The following MARK1 variants were observed in gnomAD, a reference collection of about 807,000 sequenced individuals.
MARK1 encodes microtubule affinity regulating kinase 1, also known as serine/threonine-protein kinase MARK1.
In MARK1, 40 loss-of-function variants were observed where a neutral mutation model predicts 96.3. The observed-to-expected ratio is 0.42, with a 90% CI of 0.32 to 0.54. MARK1 has a LOEUF of 0.54. Among genes scored for constraint, MARK1 ranks in the 20% least tolerant of loss-of-function variants. The pLI, the probability that MARK1 is intolerant of heterozygous loss-of-function variation, is 0.16. For synonymous variants in MARK1, 317 were observed against 341.2 expected (o/e 0.93, Z 0.78); for missense variants, 719 against 984.6 (o/e 0.73, Z 3.61).
intron 3 of MARK1, among the ~76,000 whole-genome samples, chr1:220,593,025 A>C (rs1341346466): frequency 6.6e-6 from 1 of 152,262 alleles, no homozygotes. Context: ...TAGATATTCT[A>C]TATGAGTGTA....
At chr1:220,603,922 ATG>A (rs2102921169) in intron 5 of MARK1, 143 bp from the exon 6 acceptor site, 1 of 479,122 alleles carries the variant, frequency 2.1e-6, no homozygotes, top group Non-Finnish European at 3.7e-6. Flanking sequence ...TTTTCTATTC[ATG>A]TGTTAGTTTG....
chr1:220,546,281 A>G (rs2102728025), intron 1 of MARK1, among the ~76,000 whole-genome samples: 1 of 152,356 alleles, frequency 6.6e-6, no homozygotes, highest in East Asian at 1.9e-4. Flanking sequence ...ACACCAGTTA[A>G]GAAAAGATTC....
chr1:220,592,220 ATATTATAT>A (rs1210701349), intron 3 of MARK1, among the ~76,000 whole-genome samples: 31 of 18,518 alleles, frequency 1.7e-3, no homozygotes, highest in African/African-American at 7.2e-3. Flanking sequence ...TGATTATATC[ATATTATAT>A]TATATTATAT....
intron 1 of MARK1, among the ~76,000 whole-genome samples, chr1:220,557,165 G>A (rs1035242248): frequency 6.6e-6 from 1 of 152,126 alleles, no homozygotes; most frequent in Non-Finnish European, 1.5e-5. Context: ...AGTAACAAAA[G>A]TTAGAGTTCT....
Position 220,618,288 on chromosome 1 carries a change from C to G in MARK1, c.553-22C>G. 8.5e-6 allele frequency: 12 copies of G among 1,413,372 alleles called. No individual in the cohort carries two copies. The highest frequency in any genetic ancestry group is 1.2e-5 in the Non-Finnish European group (12 of 1,001,026). The allele number at this position is 1,413,372 out of a possible 1,614,324, so 87.6% of individuals were successfully genotyped here. On this transcript the variant is annotated intron_variant, in intron 7 of 17. Coordinates refer to ENST00000366917, the MANE Select transcript of MARK1 (RefSeq NM_018650.5). This position sits in a 1 kb window ranked among gnomAD's most constrained non-coding sequence, Gnocchi z 4.6. ...TTTTATGTAGGCTTTTTACATTGTTCTTTCTATTATTTTCCTCTTAGGCTG... is the reference window on the plus strand; with the variant it reads ...TTTTATGTAGGCTTTTTACATTGTTGTTTCTATTATTTTCCTCTTAGGCTG...
chr1:220,584,332 G>T (rs1019405276), intron 3 of MARK1, among the ~76,000 whole-genome samples: 1 of 152,154 alleles, frequency 6.6e-6, no homozygotes, highest in Non-Finnish European at 1.5e-5. Flanking sequence ...ACAAGACTTA[G>T]TACAACTCAG....
Position 220,635,830 on chromosome 1 carries a change from T to C in MARK1, c.1277-3T>C. ...CATTATGCTATTTTTAAAAAAATTA[T>C]AGCTGGTCCATCCATTCCTCCTGCT... On this transcript the variant is annotated splice_region_variant and splice_polypyrimidine_tract_variant and intron_variant, in intron 12 of 17. Coordinates refer to ENST00000366917, the MANE Select transcript of MARK1 (RefSeq NM_018650.5). The C allele has an allele frequency of 6.4e-7, 1 of 1,562,508 alleles. No homozygotes were observed.
intron 9 of MARK1, among the ~76,000 whole-genome samples, chr1:220,629,513 T>A (rs1010839247): frequency 6.6e-6 from 1 of 152,164 alleles, no homozygotes; most frequent in Non-Finnish European, 1.5e-5. Flanking sequence ...AACTCTGTAC[T>A]CATTGAACAA....
At chr1:220,625,160 C>CT (rs1225773188) in intron 9 of MARK1, among the ~76,000 whole-genome samples, 1 of 152,218 alleles carries the variant, frequency 6.6e-6, no homozygotes, top group Non-Finnish European at 1.5e-5. Context: ...AAGGCACAGC[C>CT]TTTGTCCTCA....
intron 1 of MARK1, among the ~76,000 whole-genome samples, chr1:220,557,628 A>G (rs530665392): frequency 2.0e-5 from 3 of 152,300 alleles, no homozygotes; most frequent in African/African-American, 7.2e-5. Flanking sequence ...ATGTACTCTT[A>G]TGTTTGAATT....
At chr1:220,579,116 A>G (rs528056896) in intron 1 of MARK1, among the ~76,000 whole-genome samples, 17 of 152,264 alleles carry the variant, frequency 1.1e-4, no homozygotes, top group African/African-American at 4.1e-4. Flanking sequence ...TGCTGGGATT[A>G]CAGGCATGAG....
At chr1:220,545,450 T>G (rs1428092593) in intron 1 of MARK1, among the ~76,000 whole-genome samples, 2 of 147,236 alleles carry the variant, frequency 1.4e-5, no homozygotes, top group African/African-American at 5.0e-5. Context: ...TTTTTTTTTT[T>G]TTTTTTTTTT....
chr1:220,533,002 C>T (rs61830193), intron 1 of MARK1, among the ~76,000 whole-genome samples: 1 of 28,378 alleles, frequency 3.5e-5, no homozygotes. Context: ...AGAGTGTGAA[C>T]CCTTTTTTTT....
At chr1:220,622,107 G>A (rs970898239) in intron 9 of MARK1, among the ~76,000 whole-genome samples, 1 of 152,100 alleles carries the variant, frequency 6.6e-6, no homozygotes, top group African/African-American at 2.4e-5. Flanking sequence ...CATAATGAGG[G>A]CATTATGATT....
chr1:220,618,856 A>G lies in MARK1; in HGVS notation c.909+101A>G, dbSNP rs1470722389. 2 of 1,034,098 alleles carry G rather than the reference A, an allele frequency of 1.9e-6. No individual in the cohort carries two copies. The highest frequency in any genetic ancestry group is 3.2e-5 in the Admixed American group (1 of 31,492). 64.1% of individuals were successfully genotyped at this position (1,034,098 alleles called of 1,614,324 possible). A position where few individuals can be genotyped will look rare whatever the true frequency, so the allele number is the denominator to read the frequency against. ...TATGTTTTCTTAGGAAAATTGCCAA[A>G]TTATCTAATCTGCCTTTTGTTTGTA... On this transcript the variant is annotated intron_variant, in intron 9 of 17. Coordinates refer to ENST00000366917, the MANE Select transcript of MARK1 (RefSeq NM_018650.5). This position sits in a 1 kb window ranked among gnomAD's most constrained non-coding sequence, Gnocchi z 4.6.
Position 220,663,265 on chromosome 1 carries a change from T to A in MARK1, c.*1099T>A, listed in dbSNP as rs2103084153. 1 of 152,648 alleles carries A rather than the reference T, an allele frequency of 6.6e-6. No homozygotes were observed. Among genetic ancestry groups the A allele is most frequent in the East Asian group, 1.9e-4 (1 of 5,184 alleles). 9.5% of individuals were successfully genotyped at this position (152,648 alleles called of 1,614,324 possible). On this transcript the variant is annotated 3_prime_UTR_variant, in exon 18 of 18. Coordinates refer to ENST00000366917, the MANE Select transcript of MARK1 (RefSeq NM_018650.5). ...ATAACAGTATATGATTGATTTATGCTTATGTGGTTGTTCAGTTTGTTCCCA... is the reference window on the plus strand; with the variant it reads ...ATAACAGTATATGATTGATTTATGCATATGTGGTTGTTCAGTTTGTTCCCA...
chr1:220,622,616 G>T (rs540847566), intron 9 of MARK1, among the ~76,000 whole-genome samples: 2 of 152,188 alleles, frequency 1.3e-5, no homozygotes, highest in East Asian at 3.9e-4. Context: ...TGCACCTCAG[G>T]CCAGGCTTGA....
In MARK1 at chr1:220,636,992, T is replaced by C. The variant is rs1157939750; in HGVS notation, c.1470+966T>C. Reference sequence around the variant, plus strand: ...AGTAAGATAAAGGGAAACATATTTTTAAAGTATTGAAAGAAAAGCTCATTG... The same window carrying C: ...AGTAAGATAAAGGGAAACATATTTTCAAAGTATTGAAAGAAAAGCTCATTG... On this transcript the variant is annotated intron_variant, in intron 13 of 17. Coordinates refer to ENST00000366917, the MANE Select transcript of MARK1 (RefSeq NM_018650.5). Among the ~76,000 whole-genome samples, 4 of 152,270 alleles carry C rather than the reference T, an allele frequency of 2.6e-5. No homozygotes were observed. In the East Asian group the frequency reaches 7.7e-4, roughly 29 times the overall value.
chr1:220,631,906 G>T (rs1236000914), intron 10 of MARK1, among the ~76,000 whole-genome samples: 2 of 152,168 alleles, frequency 1.3e-5, no homozygotes, highest in African/African-American at 4.8e-5. Context: ...GACTGACATG[G>T]TCTTAGACTG....
Sources: allele counts gnomAD v4.1 joint callset (sites outside exome capture counted in the v4.1 genomes callset), GRCh38; gene constraint gnomAD v4.1.1; non-coding constraint Gnocchi (gnomAD v3.1); transcripts MANE v1.5; gene names NCBI Gene and HGNC (gene_info 2026-07-23, HGNC 2026-07-21).